ZFTRAF1: variants seen among roughly 807,000 people sequenced by gnomAD.
ZFTRAF1 encodes zinc finger TRAF-type and ring finger containing 1, also known as zinc finger TRAF-type-containing protein 1.
the ZFTRAF1 span, chr8:144,450,232 T>A: frequency 1.6e-6 from 1 of 607,892 alleles, no homozygotes; most frequent in Non-Finnish European, 3.0e-6. Flanking sequence ...CGCGCACGCA[T>A]GCAGACTTGC....
chr8:144,452,699 C>A, the ZFTRAF1 span: 1 of 834,110 alleles, frequency 1.2e-6, no homozygotes, highest in Non-Finnish European at 1.9e-6. Context: ...GTGAGCCCAC[C>A]CCCCAGGATG....
At chr8:144,451,053 T>C in the ZFTRAF1 span, 8 of 391,868 alleles carry the variant, frequency 2.0e-5, no homozygotes, top group South Asian at 5.0e-5. Flanking sequence ...CGACCCACGC[T>C]GGCCTCCCTC....
chr8:144,451,977 G>C, the ZFTRAF1 span: 1 of 318,372 alleles, frequency 3.1e-6, no homozygotes, highest in Non-Finnish European at 6.2e-6. Flanking sequence ...CCCAGGGTCC[G>C]AGGGGCAGGC....
At chr8:144,453,217 G>A in the ZFTRAF1 span, 54 of 1,550,364 alleles carry the variant, frequency 3.5e-5, no homozygotes, top group East Asian at 1.3e-3. Flanking sequence ...CTGACCCTCA[G>A]TTACCTGTCC....
At chr8:144,458,691 G>A in the ZFTRAF1 span, among the ~76,000 whole-genome samples, 130 of 152,330 alleles carry the variant, frequency 8.5e-4, no homozygotes, top group Middle Eastern at 0.014. Flanking sequence ...CCCACCCACA[G>A]AACAGAGTGG....
the ZFTRAF1 span, chr8:144,456,728 A>G: frequency 6.6e-6 from 1 of 150,966 alleles, no homozygotes; most frequent in East Asian, 2.0e-4. Flanking sequence ...TGGGGGAGAC[A>G]TCACGGGAAT....
the ZFTRAF1 span, chr8:144,450,678 G>A: frequency 5.6e-6 from 4 of 717,880 alleles, no homozygotes; most frequent in Non-Finnish European, 1.0e-5. Context: ...CGAGCCTTCA[G>A]GACCCACGTC....
At chr8:144,456,192 C>G in the ZFTRAF1 span, 1 of 152,698 alleles carries the variant, frequency 6.5e-6, no homozygotes, top group East Asian at 1.9e-4. Flanking sequence ...CCAGACCCTC[C>G]CCACTGGTCA....
At chr8:144,451,796 C>T in the ZFTRAF1 span, 4 of 188,216 alleles carry the variant, frequency 2.1e-5, no homozygotes, top group South Asian at 4.4e-4. Flanking sequence ...CGCACGCATC[C>T]AGCCTGGGCG....
the ZFTRAF1 span, among the ~76,000 whole-genome samples, chr8:144,452,989 A>G: frequency 0.013 from 2,006 of 152,342 alleles, 37 homozygotes; most frequent in African/African-American, 0.046. Flanking sequence ...ACAGCCACAA[A>G]GAGCACTGGA....
At chr8:144,461,150 G>T in the ZFTRAF1 span, among the ~76,000 whole-genome samples, 1 of 152,220 alleles carries the variant, frequency 6.6e-6, no homozygotes, top group East Asian at 1.9e-4. Flanking sequence ...AGAAGGACTT[G>T]GAGATCCAGA....
At chr8:144,461,992 G>C in the ZFTRAF1 span, among the ~76,000 whole-genome samples, 2 of 152,182 alleles carry the variant, frequency 1.3e-5, no homozygotes, top group Admixed American at 1.3e-4. Flanking sequence ...CTAGAAAAAA[G>C]AAGGGAGAGG....
the ZFTRAF1 span, chr8:144,451,508 C>T: frequency 1.3e-5 from 2 of 153,472 alleles, no homozygotes; most frequent in African/African-American, 4.8e-5. Flanking sequence ...AGGCCCTCGG[C>T]CTCTCTGGCC....
At chr8:144,453,686 A>C in the ZFTRAF1 span, 2 of 545,110 alleles carry the variant, frequency 3.7e-6, no homozygotes, top group South Asian at 2.2e-5. Context: ...GAGGTCCTAA[A>C]AGCAAGGCCT....
chr8:144,450,177 G>A, the ZFTRAF1 span: 4 of 563,464 alleles, frequency 7.1e-6, no homozygotes, highest in East Asian at 5.9e-5. Context: ...CTCGGAAGGA[G>A]GGGAGGCAGG....
At chr8:144,450,589 G>A in the ZFTRAF1 span, 4 of 718,058 alleles carry the variant, frequency 5.6e-6, no homozygotes, top group Admixed American at 2.0e-5. Flanking sequence ...GCGGTGCCGT[G>A]ACCTTGCTCT....
chr8:144,449,880 C>T, the ZFTRAF1 span: 2 of 177,324 alleles, frequency 1.1e-5, no homozygotes, highest in African/African-American at 4.7e-5. Flanking sequence ...AAACCAAAGC[C>T]CCCACGCTGT....
the ZFTRAF1 span, chr8:144,452,545 T>G: frequency 1.9e-6 from 3 of 1,538,632 alleles, no homozygotes. Context: ...GGGCAGCCGA[T>G]GCGTTTGTAC....
At chr8:144,452,527 C>A in the ZFTRAF1 span, 1 of 1,541,254 alleles carries the variant, frequency 6.5e-7, no homozygotes, top group Non-Finnish European at 8.7e-7. Flanking sequence ...TGGAAGGGGC[C>A]GTGCCATGGG....
Sources: allele counts gnomAD v4.1 joint callset (sites outside exome capture counted in the v4.1 genomes callset), GRCh38; gene constraint gnomAD v4.1.1; transcripts MANE v1.5; gene names NCBI Gene and HGNC (gene_info 2026-07-23, HGNC 2026-07-21).